The following SYN2 variants were observed in gnomAD, a reference collection of about 807,000 sequenced individuals.
The protein encoded by SYN2 is synapsin-2.
A neutral mutation model predicts 50.9 loss-of-function variants in SYN2; 19 were observed. The ratio of observed to expected loss-of-function variants is 0.37; its 90% CI spans 0.26 to 0.55. SYN2 has a LOEUF of 0.55. SYN2 is among the 20% of genes least tolerant of loss of function. The pLI is 0.81. For missense variants in SYN2, 587 were observed against 576.4 expected (o/e 1.02, Z -0.19); for synonymous variants, 255 against 224.9 (o/e 1.13, Z -1.20).
chr3:12,016,461 C>T (rs1479442150), intron 1 of SYN2, among the ~76,000 whole-genome samples: 4 of 152,212 alleles, frequency 2.6e-5, no homozygotes, highest in Non-Finnish European at 5.9e-5. Context: ...AAGAGCATTG[C>T]AAACACTTAA....
intron 1 of SYN2, among the ~76,000 whole-genome samples, chr3:12,044,929 G>A (rs1265000828): frequency 6.6e-6 from 1 of 152,108 alleles, no homozygotes; most frequent in Non-Finnish European, 1.5e-5. Context: ...GAAATAATAG[G>A]TACACTTATC....
intron 7 of SYN2, chr3:12,165,474 A>C (rs556588661): frequency 6.6e-6 from 1 of 152,342 alleles, no homozygotes; most frequent in Admixed American, 6.5e-5. Flanking sequence ...CTATAGATGA[A>C]ACAGTGTTTC....
At chr3:12,142,710 G>T (rs1697050182) in intron 3 of SYN2, among the ~76,000 whole-genome samples, 1 of 152,156 alleles carries the variant, frequency 6.6e-6, no homozygotes, top group South Asian at 2.1e-4. Context: ...GGGGCGGCGG[G>T]AAATGGTTTC....
At chr3:12,041,448 G>A (rs1017274066) in intron 1 of SYN2, among the ~76,000 whole-genome samples, 1 of 152,054 alleles carries the variant, frequency 6.6e-6, no homozygotes, top group African/African-American at 2.4e-5. Flanking sequence ...AATATGAACT[G>A]GAAGATTCTA....
chr3:12,025,960 T>C (rs1258555617), intron 1 of SYN2, among the ~76,000 whole-genome samples: 2 of 152,230 alleles, frequency 1.3e-5, no homozygotes, highest in Non-Finnish European at 2.9e-5. Context: ...GTTTTTTTCA[T>C]GTAGCTTTTT....
intron 5 of SYN2, among the ~76,000 whole-genome samples, chr3:12,154,858 T>C (rs1173711779): frequency 1.2e-5 from 1 of 81,546 alleles, no homozygotes; most frequent in Admixed American, 1.6e-4. Context: ...GTCTATAAAG[T>C]TCCCAGCACA....
chr3:12,070,014 G>T (rs939005981), intron 1 of SYN2, among the ~76,000 whole-genome samples: 1 of 151,796 alleles, frequency 6.6e-6, no homozygotes, highest in Admixed American at 6.6e-5. Flanking sequence ...GCCCAGGTTG[G>T]TCTCGAATTC....
chr3:12,113,186 C>T (rs149932634), intron 1 of SYN2, among the ~76,000 whole-genome samples: 13 of 152,190 alleles, frequency 8.5e-5, no homozygotes, highest in African/African-American at 2.9e-4. Context: ...AGTTCTTGTA[C>T]CAATATCTTC....
At chr3:12,076,555 G>GA (rs568637288) in intron 1 of SYN2, among the ~76,000 whole-genome samples, 82 of 146,572 alleles carry the variant, frequency 5.6e-4, no homozygotes, top group East Asian at 3.7e-3. Context: ...AGTGAGAATG[G>GA]AAAAAAAAAA....
chr3:12,058,566 A>G (rs749433891), intron 1 of SYN2, among the ~76,000 whole-genome samples: 3 of 152,180 alleles, frequency 2.0e-5, no homozygotes, highest in Non-Finnish European at 2.9e-5. Flanking sequence ...CTCTTCTGAT[A>G]ATAATTAAGC....
intron 1 of SYN2, chr3:12,070,266 C>T (rs767872308): frequency 1.2e-4 from 55 of 474,504 alleles, no homozygotes; most frequent in African/African-American, 4.0e-4. Flanking sequence ...ACAGTGTCTC[C>T]GGCATGTACA....
chr3:12,112,906 A>G (rs1268963412), intron 1 of SYN2, among the ~76,000 whole-genome samples: 1 of 152,218 alleles, frequency 6.6e-6, no homozygotes, highest in Non-Finnish European at 1.5e-5. Context: ...ATGATAGTCC[A>G]GAGAGGAATG....
intron 5 of SYN2, among the ~76,000 whole-genome samples, chr3:12,154,063 T>C (rs1697381155): frequency 6.6e-6 from 1 of 152,216 alleles, no homozygotes; most frequent in African/African-American, 2.4e-5. Context: ...AAATTTACTA[T>C]TACAGTGGCT....
Position 12,160,948 on chromosome 3 carries a change from G to A in SYN2, c.775-598G>A, listed in dbSNP as rs561816112. On this transcript the variant is annotated intron_variant, in intron 5 of 12. Transcript: ENST00000621198. ...TATAAACATACTGAATTCTTCTACCGGCTCTCTTTCAAACCCCAAGCTGGG... is the reference window on the plus strand; with the variant it reads ...TATAAACATACTGAATTCTTCTACCAGCTCTCTTTCAAACCCCAAGCTGGG... Among the ~76,000 whole-genome samples, 32 of 152,204 alleles carry A rather than the reference G, an allele frequency of 2.1e-4. No homozygotes were observed. In the South Asian group the frequency reaches 4.2e-3, roughly 20 times the overall value.
At chr3:12,020,319 C>A (rs1239942288) in intron 1 of SYN2, among the ~76,000 whole-genome samples, 1 of 132,632 alleles carries the variant, frequency 7.5e-6, no homozygotes, top group African/African-American at 2.7e-5. Context: ...CTGTCCTCTT[C>A]CCCCCCACCC....
At chr3:12,068,099 T>C (rs892679660) in intron 1 of SYN2, among the ~76,000 whole-genome samples, 4 of 152,204 alleles carry the variant, frequency 2.6e-5, no homozygotes, top group African/African-American at 9.7e-5. Flanking sequence ...AAATTTGAAC[T>C]CAAATGTAAT....
intron 1 of SYN2, among the ~76,000 whole-genome samples, chr3:12,132,439 A>G (rs1423651387): frequency 6.6e-6 from 1 of 152,216 alleles, no homozygotes; most frequent in Non-Finnish European, 1.5e-5. Context: ...TTAAGATGAC[A>G]TTCTTGTAAG....
intron 1 of SYN2, among the ~76,000 whole-genome samples, chr3:12,092,322 A>G (rs1310555221): frequency 6.6e-6 from 1 of 152,210 alleles, no homozygotes; most frequent in Non-Finnish European, 1.5e-5. Flanking sequence ...AAAAATCTAT[A>G]TGTTGCTCTT....
At chr3:12,090,846 A>T (rs558490079) in intron 1 of SYN2, among the ~76,000 whole-genome samples, 1 of 152,158 alleles carries the variant, frequency 6.6e-6, no homozygotes, top group Admixed American at 6.6e-5. Context: ...AGTGAATCCC[A>T]TGGTTTTGCA....
Sources: gnomAD v4.1 joint callset for allele counts (sites outside exome capture counted in the v4.1 genomes callset) on GRCh38, gnomAD v4.1.1 for gene constraint, MANE v1.5 for transcripts, NCBI Gene and HGNC (gene_info 2026-07-23, HGNC 2026-07-21) for gene names.